The following PIGF variants were observed in gnomAD, a reference collection of about 807,000 sequenced individuals.
The protein encoded by PIGF is GPI ethanolamine phosphate transferase, stabilizing subunit.
PIGF carries 23 observed loss-of-function variants against 26.0 expected under a neutral mutation model. The observed-to-expected ratio is 0.88, with a 90% CI of 0.64 to 1.25. The LOEUF is 1.25. PIGF is among the 50% of genes most tolerant of loss of function. The pLI is 0.00. For synonymous variants in PIGF, 93 were observed against 92.6 expected, an observed-to-expected ratio of 1.00 and a Z score of -0.03; for missense variants, 278 against 249.9, an observed-to-expected ratio of 1.11 and a Z score of -0.76.
intron 4 of PIGF, among the ~76,000 whole-genome samples, chr2:46,611,120 G>A (rs1171658843): frequency 6.6e-6 from 1 of 151,952 alleles, no homozygotes; most frequent in Non-Finnish European, 1.5e-5. Context: ...ACTTATTGCT[G>A]GATTTACACA....
At chr2:46,591,762 A>G (rs910166154) in intron 5 of PIGF, 15 of 1,193,698 alleles carry the variant, frequency 1.3e-5, no homozygotes, top group East Asian at 5.8e-5. Context: ...TCTAGGTGTC[A>G]GTTTCCTCAT....
rs1252350963 is a variant in PIGF, at chr2:46,617,013, C to T, written c.-65G>A. On this transcript the variant is annotated 5_prime_UTR_variant, in exon 1 of 6. Transcript: ENST00000281382. ...GAAGGGAAGCGGGGAACTACTGCCT[C>T]CTACCATCAGGTACGACGGGCGGCC... 1 of 579,952 alleles carries T rather than the reference C, an allele frequency of 1.7e-6. No individual in the cohort carries two copies. The highest frequency in any genetic ancestry group is 3.1e-6 in the Non-Finnish European group (1 of 326,118). 35.9% of individuals were successfully genotyped at this position (579,952 alleles called of 1,614,324 possible).
At chr2:46,612,844 T>A (rs1670469557) in intron 3 of PIGF, among the ~76,000 whole-genome samples, 1 of 152,174 alleles carries the variant, frequency 6.6e-6, no homozygotes, top group Admixed American at 6.5e-5. Flanking sequence ...TGACTGAAGC[T>A]TGAGTATTTG....
chr2:46,582,501 G>C (rs187028926), intron 5 of PIGF: 1 of 152,336 alleles, frequency 6.6e-6, no homozygotes, highest in East Asian at 1.9e-4. Flanking sequence ...TCAGATAATG[G>C]ATGCATCAGA....
intron 3 of PIGF, 32 bp from the exon 4 acceptor site, chr2:46,612,376 A>AG (rs2104141292): frequency 1.2e-6 from 1 of 822,708 alleles, no homozygotes; most frequent in South Asian, 1.8e-5. Context: ...TTTTTAAAAA[A>AG]GTGTTAAAGG....
chr2:46,608,144 C>G (rs532416834), intron 4 of PIGF, among the ~76,000 whole-genome samples: 2 of 152,342 alleles, frequency 1.3e-5, no homozygotes, highest in South Asian at 2.1e-4. Context: ...AGTCAACCCT[C>G]TCAAACCCTG....
chr2:46,613,635 C>G, intron 3 of PIGF, 59 bp downstream of exon 3: 1 of 1,281,696 alleles, frequency 7.8e-7, no homozygotes, highest in East Asian at 2.6e-5. Context: ...AGAATTAGCA[C>G]ACAGTTTGGT....
chr2:46,605,931 G>A (rs901318660), intron 4 of PIGF, among the ~76,000 whole-genome samples: 6 of 152,142 alleles, frequency 3.9e-5, no homozygotes, highest in African/African-American at 1.4e-4. Flanking sequence ...CATGTGCTAT[G>A]TGATATTATA....
chr2:46,585,884 C>T (rs1669556519), intron 5 of PIGF, among the ~76,000 whole-genome samples: 1 of 152,184 alleles, frequency 6.6e-6, no homozygotes, highest in South Asian at 2.1e-4. Context: ...CGCTATTCTC[C>T]TGCCTCAGCC....
In PIGF at chr2:46,581,249, G is replaced by A; in HGVS notation, c.*229C>T. On this transcript the variant is annotated 3_prime_UTR_variant, in exon 6 of 6. Transcript: ENST00000281382. ...AAGTGTATTAAGAATGTTCCTTAAA[G>A]GTTTAAGAAGCAGTAAGCAGCATCT... The A allele has an allele frequency of 2.0e-6, 2 of 984,598 alleles. No individual in the cohort carries two copies. Among genetic ancestry groups the A allele is most frequent in the East Asian group, 2.7e-5 (1 of 37,672 alleles). 61.0% of individuals were successfully genotyped at this position (984,598 alleles called of 1,614,324 possible).
chr2:46,601,010 A>G (rs1361449529), intron 4 of PIGF, among the ~76,000 whole-genome samples: 1 of 151,900 alleles, frequency 6.6e-6, no homozygotes, highest in Non-Finnish European at 1.5e-5. Context: ...AACTTTCTAT[A>G]TTTTTCTGTT....
chr2:46,607,336 T>C (rs1670256540), intron 4 of PIGF, among the ~76,000 whole-genome samples: 1 of 152,164 alleles, frequency 6.6e-6, no homozygotes, highest in African/African-American at 2.4e-5. Flanking sequence ...AGGAAACCTT[T>C]TCCAAGGAAA....
Position 46,589,738 on chromosome 2 carries a change from T to C in PIGF, c.546+2737A>G, listed in dbSNP as rs1437648123. Among the ~76,000 whole-genome samples the C allele has an allele frequency of 6.6e-6, 1 of 152,008 alleles. No individual in the cohort carries two copies. The highest frequency in any genetic ancestry group is 1.5e-5 in the Non-Finnish European group (1 of 67,926). On this transcript the variant is annotated intron_variant, in intron 5 of 5. Coordinates refer to ENST00000281382, the MANE Select transcript of PIGF (RefSeq NM_002643.4). The surrounding 1 kb of genome is among the most constrained non-coding windows in gnomAD (Gnocchi z 4.7). ...CTCATGAAATTTTGCTCTAACAACA[T>C]CTCCACTTTTAGAAAATGCCATATT...
chr2:46,603,445 C>G (rs1416880166), intron 4 of PIGF, among the ~76,000 whole-genome samples: 6 of 152,058 alleles, frequency 3.9e-5, no homozygotes, highest in South Asian at 2.1e-4. Context: ...AATCACATTA[C>G]TTGACTCAAA....
chr2:46,581,736 T>C, intron 5 of PIGF, 145 bp from the exon 6 acceptor site: 1 of 1,142,318 alleles, frequency 8.8e-7, no homozygotes, highest in Non-Finnish European at 1.2e-6. Flanking sequence ...ACTGCATTTA[T>C]CATGAACACT....
At position 46,580,949 on chromosome 2, in the gene PIGF, G is replaced by T. The variant is rs1669342905; in HGVS notation, c.*529C>A. The T allele has an allele frequency of 6.5e-7, 1 of 1,528,298 alleles. No homozygotes were observed. Among genetic ancestry groups the T allele is most frequent in the Non-Finnish European group, 8.7e-7 (1 of 1,143,920 alleles). 94.7% of individuals were successfully genotyped at this position (1,528,298 alleles called of 1,614,324 possible). A position where few individuals can be genotyped will look rare whatever the true frequency, so the allele number is the denominator to read the frequency against. On this transcript the variant is annotated 3_prime_UTR_variant, in exon 6 of 6. Coordinates refer to ENST00000281382, the MANE Select transcript of PIGF (RefSeq NM_002643.4). ...CCAGATAGGAGCATGCTGCTATGTG[G>T]AATGTTCAGCTTTAACCCAGAAGGG...
intron 5 of PIGF, chr2:46,592,071 G>A (rs1669737656): frequency 5.7e-6 from 5 of 870,910 alleles, no homozygotes; most frequent in African/African-American, 3.5e-5. Flanking sequence ...TCCTATACTG[G>A]CTGGGCTCGG....
chr2:46,604,290 T>C (rs1235563169), intron 4 of PIGF, among the ~76,000 whole-genome samples: 1 of 151,964 alleles, frequency 6.6e-6, no homozygotes, highest in East Asian at 1.9e-4. Context: ...ACAACCATTA[T>C]GGAGATCAGT....
At chr2:46,587,647 C>T (rs1360466173) in intron 5 of PIGF, among the ~76,000 whole-genome samples, 1 of 152,020 alleles carries the variant, frequency 6.6e-6, no homozygotes, top group Admixed American at 6.6e-5. Flanking sequence ...GCATCCTAGC[C>T]GAGACTTGAT....
Sources: allele counts gnomAD v4.1 joint callset (sites outside exome capture counted in the v4.1 genomes callset), GRCh38; gene constraint gnomAD v4.1.1; non-coding constraint Gnocchi (gnomAD v3.1); transcripts MANE v1.5; gene names NCBI Gene and HGNC (gene_info 2026-07-23, HGNC 2026-07-21).